The following CLEC1A variants were observed in gnomAD, a reference collection of about 807,000 sequenced individuals.
The protein encoded by CLEC1A is C-type lectin-like receptor-1.
A neutral mutation model predicts 28.7 loss-of-function variants in CLEC1A; 34 were observed. The ratio of observed to expected loss-of-function variants is 1.18; its 90% CI spans 0.90 to 1.57. The LOEUF (loss-of-function observed/expected upper bound fraction) is 1.57. Ranked by LOEUF, CLEC1A falls within the 40% of genes most tolerant of loss-of-function variation. The pLI is 0.00. For synonymous variants in CLEC1A, 116 were observed against 121.0 expected (o/e 0.96, Z 0.27); for missense variants, 385 against 339.5 (o/e 1.13, Z -1.05).
At chr12:10,078,310 T>C (rs1193873651) in intron 3 of CLEC1A, among the ~76,000 whole-genome samples, 1 of 152,236 alleles carries the variant, frequency 6.6e-6, no homozygotes, top group African/African-American at 2.4e-5. Flanking sequence ...CCTAGCCTCC[T>C]GTTAGTCTTC....
intron 2 of CLEC1A, among the ~76,000 whole-genome samples, chr12:10,085,149 A>T (rs1398843289): frequency 6.6e-6 from 1 of 151,646 alleles, no homozygotes; most frequent in Non-Finnish European, 1.5e-5. Context: ...AATACACCAA[A>T]ATAGAATCTC....
rs1470016081 is a variant in CLEC1A at position 10,093,331 on chromosome 12, A to G, written c.116-4109T>C. On this transcript the variant is annotated intron_variant, in intron 1 of 5. Coordinates refer to ENST00000315330, the MANE Select transcript of CLEC1A (RefSeq NM_016511.4). ...TTTAGAAAGGGGTGTGGACAGGCCA[A>G]GGAATGATATAAACATCCCTAGGAA... 2.0e-5 allele frequency among the ~76,000 whole-genome samples: 3 copies of G among 150,712 alleles called. No individual in the cohort carries two copies. In the East Asian group the frequency reaches 5.8e-4, roughly 29 times the overall value.
chr12:10,081,293 CCTGCAAGCTTTATATT>C lies in CLEC1A; in HGVS notation c.319_334del (p.Asn107GlufsTer62), dbSNP rs780012033. 1.9e-6 allele frequency: 3 copies of C among 1,612,858 alleles called. No individual in the cohort carries two copies. Among genetic ancestry groups the C allele is most frequent in the East Asian group, 4.5e-5 (2 of 44,812 alleles). ...TTTTTCAGCCACATGCTGCAGACTT[CCTGCAAGCTTTATATT>C]CTGGACTTGAAGAGATTGCAACTCT... On this transcript the variant is annotated frameshift_variant, in exon 3 of 6. Coordinates refer to ENST00000315330, the MANE Select transcript of CLEC1A (RefSeq NM_016511.4). LOFTEE classifies it high-confidence loss of function.
chr12:10,096,993 G>T (rs1947785990), intron 1 of CLEC1A, among the ~76,000 whole-genome samples: 1 of 152,054 alleles, frequency 6.6e-6, no homozygotes, highest in African/African-American at 2.4e-5. Flanking sequence ...GTTGAGAATT[G>T]TATTAGACTT....
At chr12:10,074,409 T>C (rs1337827397) in intron 4 of CLEC1A, among the ~76,000 whole-genome samples, 1 of 152,152 alleles carries the variant, frequency 6.6e-6, no homozygotes, top group Admixed American at 6.6e-5. Context: ...AATGGGCGGG[T>C]GCCTTCAAAT....
intron 5 of CLEC1A, among the ~76,000 whole-genome samples, chr12:10,072,112 T>A (rs939983704): frequency 7.9e-5 from 12 of 152,192 alleles, no homozygotes; most frequent in African/African-American, 2.7e-4. Context: ...TTCTTGGTGA[T>A]GAGTGAGTTC....
At position 10,086,849 on chromosome 12, in the gene CLEC1A, C is replaced by CA. The variant is rs1456289564; in HGVS notation, c.214+2274dup. 1.6e-4 allele frequency among the ~76,000 whole-genome samples: 24 copies of CA among 152,102 alleles called. 1 individual carries two copies. Among genetic ancestry groups the CA allele is most frequent in the African/African-American group, 5.1e-4 (21 of 41,506 alleles). ...ATACCAAAACCAGGAAAGCACAGAA[C>CA]AAAAAGAAAACTACAGACCAATATC... is the stretch of plus-strand genomic sequence containing the variant. On this transcript the variant is annotated intron_variant, in intron 2 of 5. Transcript: ENST00000315330.
At position 10,070,987 on chromosome 12, in the gene CLEC1A, GT is replaced by G. The variant is rs1866113874; in HGVS notation, c.*345del. The G allele has an allele frequency of 5.9e-6, 1 of 168,956 alleles. No homozygotes were observed. Among genetic ancestry groups the G allele is most frequent in the Non-Finnish European group, 1.3e-5 (1 of 79,544 alleles). 10.5% of individuals were successfully genotyped at this position (168,956 alleles called of 1,614,324 possible). On this transcript the variant is annotated 3_prime_UTR_variant, in exon 6 of 6. Coordinates refer to ENST00000315330, the MANE Select transcript of CLEC1A (RefSeq NM_016511.4). The stretch of plus-strand genomic sequence containing the variant: ...CAATGTATTTCCTCTACTTCAAAAA[GT>G]TTCTTATTCCACCAAGTGTAAGGAA...
intron 3 of CLEC1A, among the ~76,000 whole-genome samples, chr12:10,076,029 G>A (rs1591905341): frequency 6.6e-6 from 1 of 152,224 alleles, no homozygotes; most frequent in Non-Finnish European, 1.5e-5. Context: ...TTTCTATAAT[G>A]TTCTCCTCAA....
chr12:10,082,625 A>T lies in CLEC1A; in HGVS notation c.215-1212T>A, dbSNP rs567841796. 5.3e-5 allele frequency among the ~76,000 whole-genome samples: 8 copies of T among 152,222 alleles called. No individual in the cohort carries two copies. In the South Asian group the frequency reaches 1.7e-3, roughly 32 times the overall value. ...ATAAACTTGGGAGCTGTATGGCCCC[A>T]CCCATCACCTGAGAAACCTGAATAC... On this transcript the variant is annotated intron_variant, in intron 2 of 5. Coordinates refer to ENST00000315330, the MANE Select transcript of CLEC1A (RefSeq NM_016511.4).
Position 10,098,967 on chromosome 12 carries a change from T to C in CLEC1A, c.-45A>G. 1.4e-6 allele frequency: 2 copies of C among 1,428,252 alleles called. No individual in the cohort carries two copies. Among genetic ancestry groups the C allele is most frequent in the Non-Finnish European group, 1.9e-6 (2 of 1,026,608 alleles). 88.5% of individuals were successfully genotyped at this position (1,428,252 alleles called of 1,614,324 possible). A position where few individuals can be genotyped will look rare whatever the true frequency, so the allele number is the denominator to read the frequency against. On this transcript the variant is annotated 5_prime_UTR_variant, in exon 1 of 6. Coordinates refer to ENST00000315330, the MANE Select transcript of CLEC1A (RefSeq NM_016511.4). ...AGAGTGAAATGTGGTCGGATTGCCC[T>C]GGGCCGCCGGGCTACTGTGAGCTAG...
intron 1 of CLEC1A, among the ~76,000 whole-genome samples, chr12:10,096,261 T>G (rs530333185): frequency 4.9e-4 from 74 of 152,264 alleles, no homozygotes; most frequent in African/African-American, 1.7e-3. Flanking sequence ...TCAGTTAACA[T>G]CAGCACCATC....
In CLEC1A at chr12:10,081,269, T is replaced by C. The variant is rs536950595; in HGVS notation, c.359A>G (p.Lys120Arg). 1.2e-6 allele frequency: 2 copies of C among 1,610,210 alleles called. No homozygotes were observed. Among genetic ancestry groups the C allele is most frequent in the Non-Finnish European group, 1.7e-6 (2 of 1,178,014 alleles). The change falls in exon 3 of 6, where the codon AAA becomes AGA. Residue 120 changes from lysine (K) to arginine (R), a missense_variant. Transcript: ENST00000315330. Reference protein sequence around the residue: ...LAGSLQHVAEKLCRELYNKAG... With the variant: ...LAGSLQHVAERLCRELYNKAG... ...TTTGTTATACAGCTCACGACAGAGT[T>C]TTTCAGCCACATGCTGCAGACTTCC...
intron 1 of CLEC1A, among the ~76,000 whole-genome samples, chr12:10,090,267 T>C (rs1026403525): frequency 6.6e-6 from 1 of 152,154 alleles, no homozygotes; most frequent in Admixed American, 6.5e-5. Context: ...GTCCTATACA[T>C]AATACATTCT....
chr12:10,094,428 C>T (rs1448318678), intron 1 of CLEC1A, among the ~76,000 whole-genome samples: 2 of 151,764 alleles, frequency 1.3e-5, no homozygotes, highest in Non-Finnish European at 2.9e-5. Flanking sequence ...TTCTCCATGT[C>T]TTTATATAGA....
Position 10,071,391 on chromosome 12 carries a change from C to T in CLEC1A, c.785G>A (p.Gly262Glu). 1 of 1,614,010 alleles carries T rather than the reference C, an allele frequency of 6.2e-7. No individual in the cohort carries two copies. The highest frequency in any genetic ancestry group is 8.5e-7 in the Non-Finnish European group (1 of 1,179,916). ...ATGGAGGCTCTCTGGCTTCACCATT[C>T]CTGCCCTTCTCTCACAGACACAACG... is the stretch of plus-strand genomic sequence containing the variant. ...LKRCVCERRA[G>E]MVKPESLHVP... is the part of the protein sequence containing the mutation. The change falls in exon 6 of 6, where the codon GGA becomes GAA. Residue 262 changes from glycine to glutamate, a missense_variant. Gly to Glu is a moderately conservative substitution (Grantham distance 98). Coordinates refer to ENST00000315330, the MANE Select transcript of CLEC1A (RefSeq NM_016511.4).
At chr12:10,080,293 A>T (rs551386162) in intron 3 of CLEC1A, among the ~76,000 whole-genome samples, 18 of 152,170 alleles carry the variant, frequency 1.2e-4, no homozygotes, top group Admixed American at 6.5e-5. Context: ...AGCCTAGGCA[A>T]CAGAGTGAGA....
rs773458345 is a variant in CLEC1A at position 10,071,359 on chromosome 12, G to C, written c.817C>G (p.Pro273Ala). The C allele has an allele frequency of 1.1e-5, 17 of 1,613,516 alleles. No homozygotes were observed. Among genetic ancestry groups the C allele is most frequent in the Admixed American group, 5.0e-5 (3 of 59,938 alleles). The part of the protein sequence containing the change: ...MVKPESLHVP[P>A]ETLGEGD ...CAGTCACCTTCGCCTAATGTTTCAG[G>C]GGGGACATGGAGGCTCTCTGGCTTC... The change falls in exon 6 of 6, where the codon CCT (proline) becomes GCT (alanine). Residue 273 changes from proline to alanine, a missense_variant. Physicochemically the swap from Pro to Ala is conservative, Grantham distance 27 (BLOSUM62 -1). Coordinates refer to ENST00000315330, the MANE Select transcript of CLEC1A (RefSeq NM_016511.4).
intron 2 of CLEC1A, among the ~76,000 whole-genome samples, chr12:10,085,565 C>T (rs920184962): frequency 9.5e-5 from 14 of 146,782 alleles, no homozygotes; most frequent in African/African-American, 3.0e-4. Flanking sequence ...AAGACAAAGA[C>T]GGACATTATA....
Sources: gnomAD v4.1 joint callset for allele counts (sites outside exome capture counted in the v4.1 genomes callset) on GRCh38, gnomAD v4.1.1 for gene constraint, MANE v1.5 for transcripts, NCBI Gene and HGNC (gene_info 2026-07-23, HGNC 2026-07-21) for gene names.